The following ATRNL1 variants were observed in gnomAD, a reference collection of about 807,000 sequenced individuals.
ATRNL1 encodes attractin-like protein 1.
ATRNL1 carries 95 observed loss-of-function variants against 182.7 expected under a neutral mutation model. That is an observed-to-expected ratio of 0.52 (90% CI 0.44 to 0.62). ATRNL1 has a LOEUF of 0.62. Among genes scored for constraint, ATRNL1 ranks in the 20% least tolerant of loss-of-function variants. The pLI, the probability that ATRNL1 is intolerant of heterozygous loss-of-function variation, is 0.00. For synonymous variants in ATRNL1, 576 were observed against 568.3 expected, an observed-to-expected ratio of 1.01 and a Z score of -0.19; for missense variants, 1,471 against 1,679.5, an observed-to-expected ratio of 0.88 and a Z score of 2.17.
chr10:115,736,198 C>T (rs1947945238), intron 27 of ATRNL1, among the ~76,000 whole-genome samples: 1 of 152,088 alleles, frequency 6.6e-6, no homozygotes, highest in Non-Finnish European at 1.5e-5. Flanking sequence ...CTTAGTCTTT[C>T]TGTTTTGTTT....
intron 2 of ATRNL1, among the ~76,000 whole-genome samples, chr10:115,121,107 T>A (rs1554871438): frequency 6.6e-6 from 1 of 151,666 alleles, no homozygotes; most frequent in Non-Finnish European, 1.5e-5. Flanking sequence ...CTGCCTTCAA[T>A]CAAGAGAAAG....
At chr10:115,494,080 G>T (rs942646798) in intron 24 of ATRNL1, among the ~76,000 whole-genome samples, 1 of 152,166 alleles carries the variant, frequency 6.6e-6, no homozygotes, top group East Asian at 1.9e-4. Flanking sequence ...TGCTTAATAT[G>T]CTGATAGTTT....
chr10:115,611,332 T>C lies in ATRNL1; in HGVS notation c.3795+61796T>C, dbSNP rs1857149275. Among the ~76,000 whole-genome samples, 3 of 152,144 alleles carry C rather than the reference T, an allele frequency of 2.0e-5. No individual in the cohort carries two copies. In the South Asian group the frequency reaches 6.2e-4, roughly 31 times the overall value. Reference sequence around the variant, plus strand: ...CTTTGGAGAGCAATTTTTATCTTACTTATCTCGGGTTGTTTAGATTCTACT... The same window carrying C: ...CTTTGGAGAGCAATTTTTATCTTACCTATCTCGGGTTGTTTAGATTCTACT... On this transcript the variant is annotated intron_variant, in intron 26 of 28. Coordinates refer to ENST00000355044, the MANE Select transcript of ATRNL1 (RefSeq NM_207303.4).
At chr10:115,117,191 T>G (rs1279361456) in intron 1 of ATRNL1, among the ~76,000 whole-genome samples, 2 of 152,116 alleles carry the variant, frequency 1.3e-5, no homozygotes, top group Admixed American at 1.3e-4. Flanking sequence ...ATGTATCCTT[T>G]GTGTTACAAA....
At chr10:115,378,104 G>T (rs1478677399) in intron 19 of ATRNL1, among the ~76,000 whole-genome samples, 2 of 151,976 alleles carry the variant, frequency 1.3e-5, no homozygotes, top group Non-Finnish European at 2.9e-5. Context: ...CTGCTTCAGG[G>T]TCTACACCTG....
chr10:115,197,891 C>G (rs184970811), intron 8 of ATRNL1, among the ~76,000 whole-genome samples: 48 of 152,268 alleles, frequency 3.2e-4, no homozygotes, highest in Middle Eastern at 3.4e-3. Context: ...TGTTTTTCAT[C>G]TATTCACTCC....
intron 28 of ATRNL1, among the ~76,000 whole-genome samples, chr10:115,896,503 A>G (rs1952213112): frequency 6.6e-6 from 1 of 152,184 alleles, no homozygotes; most frequent in African/African-American, 2.4e-5. Context: ...ATTCAAGACA[A>G]TAAAGGTATA....
intron 27 of ATRNL1, among the ~76,000 whole-genome samples, chr10:115,819,634 TCTC>T (rs1311232484): frequency 6.6e-6 from 1 of 152,116 alleles, no homozygotes; most frequent in Admixed American, 6.6e-5. Flanking sequence ...TACTGTTTCT[TCTC>T]TGTATCACTG....
chr10:115,340,471 CTTTTCT>C (rs1340146638), intron 19 of ATRNL1, among the ~76,000 whole-genome samples: 30 of 89,570 alleles, frequency 3.3e-4, no homozygotes, highest in African/African-American at 7.5e-4. Flanking sequence ...CTTTTCTTTT[CTTTTCT>C]TTTTTTTTTT....
intron 19 of ATRNL1, among the ~76,000 whole-genome samples, chr10:115,382,225 A>G (rs1564980536): frequency 6.6e-6 from 1 of 152,262 alleles, no homozygotes; most frequent in East Asian, 1.9e-4. Flanking sequence ...GTCATTTTCT[A>G]CAAAGAAGAC....
At chr10:115,247,277 C>T (rs1329674847) in intron 10 of ATRNL1, among the ~76,000 whole-genome samples, 1 of 151,934 alleles carries the variant, frequency 6.6e-6, no homozygotes, top group Non-Finnish European at 1.5e-5. Context: ...GGATTAACAT[C>T]CAGAATATAC....
At chr10:115,328,337 T>C (rs2134055524) in intron 18 of ATRNL1, among the ~76,000 whole-genome samples, 1 of 152,234 alleles carries the variant, frequency 6.6e-6, no homozygotes, top group East Asian at 1.9e-4. Context: ...CACGGTTCAA[T>C]GCGATGTTTT....
intron 28 of ATRNL1, among the ~76,000 whole-genome samples, chr10:115,848,625 G>A (rs1950984497): frequency 5.9e-5 from 9 of 152,114 alleles, no homozygotes; most frequent in Admixed American, 5.9e-4. Context: ...AATTATACCT[G>A]TCCTCTTAGA....
intron 19 of ATRNL1, among the ~76,000 whole-genome samples, chr10:115,350,413 C>T (rs1203813980): frequency 7.0e-6 from 1 of 143,884 alleles, no homozygotes; most frequent in Non-Finnish European, 1.5e-5. Context: ...TCAGGTCTTA[C>T]ATTTAAGTTT....
chr10:115,638,346 A>T (rs1028959676), intron 26 of ATRNL1, among the ~76,000 whole-genome samples: 4 of 152,122 alleles, frequency 2.6e-5, no homozygotes, highest in Admixed American at 6.6e-5. Flanking sequence ...ACAATGACAA[A>T]ATTGTCTAAT....
At chr10:115,897,226 A>T (rs1321048927) in intron 28 of ATRNL1, among the ~76,000 whole-genome samples, 1 of 152,246 alleles carries the variant, frequency 6.6e-6, no homozygotes, top group African/African-American at 2.4e-5. Flanking sequence ...AATGCAAGTT[A>T]TGACTATACT....
At chr10:115,498,646 A>G (rs1005766955) in intron 24 of ATRNL1, among the ~76,000 whole-genome samples, 7 of 151,770 alleles carry the variant, frequency 4.6e-5, no homozygotes, top group African/African-American at 1.7e-4. Flanking sequence ...TAAAAATTAG[A>G]TACTTTCTAT....
chr10:115,361,952 T>C (rs576425969), intron 19 of ATRNL1, among the ~76,000 whole-genome samples: 1 of 152,102 alleles, frequency 6.6e-6, no homozygotes, highest in African/African-American at 2.4e-5. Context: ...CTTTACCTTT[T>C]TTATCGAAGA....
intron 26 of ATRNL1, among the ~76,000 whole-genome samples, chr10:115,611,354 T>C (rs1857150619): frequency 6.6e-6 from 1 of 152,140 alleles, no homozygotes. Flanking sequence ...GTTTAGATTC[T>C]ACTTCAGATA....
Sources: allele counts gnomAD v4.1 joint callset (sites outside exome capture counted in the v4.1 genomes callset), GRCh38; gene constraint gnomAD v4.1.1; transcripts MANE v1.5; gene names NCBI Gene and HGNC (gene_info 2026-07-23, HGNC 2026-07-21).